The following CNTNAP2 variants were observed in gnomAD, a reference collection of about 807,000 sequenced individuals.
CNTNAP2 encodes contactin-associated protein-like 2.
Under a neutral mutation model 155.2 loss-of-function variants are expected in CNTNAP2, and 98 were observed. The observed-to-expected ratio is 0.63, with a 90% CI of 0.54 to 0.75. CNTNAP2 has a LOEUF of 0.75. Ranked by LOEUF, CNTNAP2 falls within the 30% of genes least tolerant of loss-of-function variation. CNTNAP2 has a pLI of 0.00. For synonymous variants in CNTNAP2, 651 were observed against 631.2 expected, an observed-to-expected ratio of 1.03 and a Z score of -0.47; for missense variants, 1,727 against 1,688.1, an observed-to-expected ratio of 1.02 and a Z score of -0.40.
intron 13 of CNTNAP2, among the ~76,000 whole-genome samples, chr7:147,857,252 A>T (rs1260275725): frequency 6.6e-6 from 1 of 152,206 alleles, no homozygotes; most frequent in Non-Finnish European, 1.5e-5. Context: ...TTATTTTTCT[A>T]ACACATGGAA....
intron 2 of CNTNAP2, among the ~76,000 whole-genome samples, chr7:146,791,748 A>AT (rs1802677356): frequency 6.6e-6 from 1 of 152,224 alleles, no homozygotes; most frequent in Non-Finnish European, 1.5e-5. Flanking sequence ...CTAAGGAGTG[A>AT]TAAACAGGCA....
At chr7:146,759,608 T>G (rs1221644613) in intron 1 of CNTNAP2, among the ~76,000 whole-genome samples, 2 of 138,620 alleles carry the variant, frequency 1.4e-5, no homozygotes, top group Non-Finnish European at 3.0e-5. Context: ...GGCAGGAGAA[T>G]AGCTTGAACC....
chr7:147,503,872 T>C (rs994401052), intron 11 of CNTNAP2, among the ~76,000 whole-genome samples: 2 of 152,200 alleles, frequency 1.3e-5, no homozygotes, highest in Non-Finnish European at 2.9e-5. Flanking sequence ...TGATTAAATT[T>C]TTCATTTTGA....
At chr7:146,117,994 A>G (rs1182140969) in intron 1 of CNTNAP2, among the ~76,000 whole-genome samples, 2 of 152,350 alleles carry the variant, frequency 1.3e-5, no homozygotes, top group South Asian at 2.1e-4. Flanking sequence ...TCCATTTAGG[A>G]AAAGAAAAGT....
intron 16 of CNTNAP2, among the ~76,000 whole-genome samples, chr7:148,122,679 A>C (rs1804624739): frequency 6.6e-6 from 1 of 152,106 alleles, no homozygotes; most frequent in Admixed American, 6.5e-5. Context: ...TCACCAGAGA[A>C]AAGACTGGAA....
rs908142986 is a variant in CNTNAP2 at position 148,418,322 on chromosome 7, C to T, written c.*2706C>T. The T allele has an allele frequency of 1.2e-4, 18 of 152,202 alleles. No homozygotes were observed. Among genetic ancestry groups the T allele is most frequent in the African/African-American group, 2.9e-4 (12 of 41,456 alleles). The allele number at this position is 152,202 out of a possible 1,614,324, so 9.4% of individuals were successfully genotyped here. A position where few individuals can be genotyped will look rare whatever the true frequency, so the allele number is the denominator to read the frequency against. ...GACATTCCCGCCCAAGCTCTCAGTG[C>T]CTAATCCTGCTTTGTCATTCACATC... On this transcript the variant is annotated 3_prime_UTR_variant, in exon 24 of 24. Transcript: ENST00000361727.
chr7:148,031,175 G>A (rs970197505), intron 15 of CNTNAP2, among the ~76,000 whole-genome samples: 1 of 152,110 alleles, frequency 6.6e-6, no homozygotes, highest in Admixed American at 6.5e-5. Context: ...CTGAGAGACT[G>A]GGGCCCTCCC....
chr7:148,223,185 C>T (rs1795783170), intron 19 of CNTNAP2, among the ~76,000 whole-genome samples: 1 of 152,178 alleles, frequency 6.6e-6, no homozygotes, highest in African/African-American at 2.4e-5. Context: ...TCTAGCCAGA[C>T]ACCTGCCTTT....
At chr7:146,992,568 C>G (rs947909288) in intron 3 of CNTNAP2, among the ~76,000 whole-genome samples, 1 of 152,102 alleles carries the variant, frequency 6.6e-6, no homozygotes, top group Non-Finnish European at 1.5e-5. Flanking sequence ...ACAGGAGAGG[C>G]CAGGCTCCTG....
chr7:146,828,216 A>C (rs1585110814), intron 2 of CNTNAP2, among the ~76,000 whole-genome samples: 1 of 152,248 alleles, frequency 6.6e-6, no homozygotes, highest in South Asian at 2.1e-4. Context: ...AACAATAAAA[A>C]TTATATACAG....
chr7:147,068,852 G>T (rs764712589), intron 4 of CNTNAP2, among the ~76,000 whole-genome samples: 2 of 152,104 alleles, frequency 1.3e-5, no homozygotes, highest in African/African-American at 4.8e-5. Flanking sequence ...GTATCCTCCC[G>T]TGTGTTAGTC....
intron 13 of CNTNAP2, among the ~76,000 whole-genome samples, chr7:147,851,360 G>A (rs1001393314): frequency 6.6e-6 from 1 of 152,228 alleles, no homozygotes; most frequent in African/African-American, 2.4e-5. Context: ...GGAAGACAGT[G>A]TGGTGATTCC....
At chr7:147,542,563 T>C (rs1799660828) in intron 11 of CNTNAP2, among the ~76,000 whole-genome samples, 1 of 152,322 alleles carries the variant, frequency 6.6e-6, no homozygotes, top group East Asian at 1.9e-4. Flanking sequence ...AGGGCATATA[T>C]GTTCACATAG....
At chr7:146,979,576 C>T (rs533938460) in intron 3 of CNTNAP2, among the ~76,000 whole-genome samples, 1 of 152,164 alleles carries the variant, frequency 6.6e-6, no homozygotes, top group Non-Finnish European at 1.5e-5. Context: ...CTGGTTTCCT[C>T]TAATTGAAAT....
intron 11 of CNTNAP2, among the ~76,000 whole-genome samples, chr7:147,531,584 TC>T (rs1799431836): frequency 6.6e-6 from 1 of 152,132 alleles, no homozygotes; most frequent in African/African-American, 2.4e-5. Flanking sequence ...GGACACCAAG[TC>T]CCTAGGCTGC....
chr7:148,301,548 A>G (rs1352704041), intron 21 of CNTNAP2, among the ~76,000 whole-genome samples: 2 of 152,128 alleles, frequency 1.3e-5, no homozygotes, highest in Admixed American at 1.3e-4. Flanking sequence ...GAAATGCAGT[A>G]ATAAAATGTA....
At chr7:148,331,768 T>TGGATGGAACGGAC (rs1798028229) in intron 21 of CNTNAP2, among the ~76,000 whole-genome samples, 1 of 13,146 alleles carries the variant, frequency 7.6e-5, no homozygotes, top group African/African-American at 2.1e-4. Flanking sequence ...ATGGATTGGA[T>TGGATGGAACGGAC]GGATGGAATG....
chr7:146,871,206 A>T (rs1229427606), intron 3 of CNTNAP2, among the ~76,000 whole-genome samples: 1 of 152,228 alleles, frequency 6.6e-6, no homozygotes, highest in Admixed American at 6.5e-5. Context: ...AGGGGCATTT[A>T]ATTCTTACCA....
chr7:148,372,569 G>A (rs1798907329), intron 21 of CNTNAP2, among the ~76,000 whole-genome samples: 1 of 152,052 alleles, frequency 6.6e-6, no homozygotes. Flanking sequence ...TTAGCCTGGT[G>A]TGGTGGCATA....
Sources: allele counts gnomAD v4.1 joint callset (sites outside exome capture counted in the v4.1 genomes callset), GRCh38; gene constraint gnomAD v4.1.1; transcripts MANE v1.5; gene names NCBI Gene and HGNC (gene_info 2026-07-23, HGNC 2026-07-21).